ARHGAP23: variants seen among roughly 807,000 people sequenced by gnomAD.
The protein encoded by ARHGAP23 is Rho GTPase activating protein 23, also known as rho GTPase-activating protein 23.
Under a neutral mutation model 136.3 loss-of-function variants are expected in ARHGAP23, and 34 were observed. The observed-to-expected ratio is 0.25, with a 90% CI of 0.19 to 0.33. The LOEUF (loss-of-function observed/expected upper bound fraction) is 0.33. Ranked by LOEUF, ARHGAP23 falls within the 10% of genes least tolerant of loss-of-function variation. ARHGAP23 has a pLI of 1.00. For synonymous variants in ARHGAP23, 832 were observed against 920.5 expected, an observed-to-expected ratio of 0.90 and a Z score of 1.74; for missense variants, 1,808 against 2,139.0, an observed-to-expected ratio of 0.85 and a Z score of 3.05.
chr17:38,491,413 C>T lies in ARHGAP23; in HGVS notation c.3157C>T (p.Pro1053Ser). The change falls in exon 20 of 24, where the codon CCC (proline) becomes TCC (serine). Residue 1053 changes from proline (P) to serine (S), a missense_variant. Around this residue, in one of 7 missense-constraint regions of ARHGAP23, gnomAD observed 22 missense variants for 67.5 expected, o/e 0.33. Transcript: ENST00000622683. ...ADHSEKNKME[P>S]RNLALVFGPT... is the part of the protein sequence containing the mutation. ...TGCTTTCCCTGCTGCCCAGATGGAA[C>T]CCCGGAACCTGGCCCTGGTCTTTGG... The T allele has an allele frequency of 6.5e-7, 1 of 1,549,688 alleles. No individual in the cohort carries two copies. Among genetic ancestry groups the T allele is most frequent in the Non-Finnish European group, 8.7e-7 (1 of 1,146,844 alleles).
At chr17:38,496,438 C>CA in intron 20 of ARHGAP23, among the ~76,000 whole-genome samples, 1 of 152,262 alleles carries the variant, frequency 6.6e-6, no homozygotes, top group East Asian at 1.9e-4. Flanking sequence ...CAGGCCACAG[C>CA]ATTCCAACCT....
intron 20 of ARHGAP23, among the ~76,000 whole-genome samples, chr17:38,495,263 A>C: frequency 1.5e-5 from 2 of 136,472 alleles, no homozygotes; most frequent in Admixed American, 7.9e-5. Flanking sequence ...ACAGAGTCTC[A>C]CTCTGTCGCC....
At chr17:38,428,400 TCGGCCCCGCCCC>T (rs1322333057), upstream of ARHGAP23, 19 of 561,292 alleles carry the variant, frequency 3.4e-5, no homozygotes, top group Middle Eastern at 5.8e-4. Context: ...CACACCGCGC[TCGGCCCCGCCCC>T]CGGCCCCGCC....
chr17:38,491,571 G>A (rs2040280184), intron 20 of ARHGAP23, 39 bp downstream of exon 20: 9 of 1,548,740 alleles, frequency 5.8e-6, no homozygotes, highest in Non-Finnish European at 7.0e-6. Context: ...CAGCCCCTGG[G>A]GCCCAGGCCA....
chr17:38,473,103 A>ATT (rs59594005), intron 11 of ARHGAP23, among the ~76,000 whole-genome samples: 24 of 129,962 alleles, frequency 1.8e-4, no homozygotes, highest in South Asian at 2.5e-4. Context: ...AACCCGGCTA[A>ATT]TTTTTTTTTT....
At chr17:38,454,395 C>T (rs12936164) in intron 1 of ARHGAP23, among the ~76,000 whole-genome samples, 1 of 152,158 alleles carries the variant, frequency 6.6e-6, no homozygotes, top group African/African-American at 2.4e-5. Flanking sequence ...GCTCAGCCCT[C>T]TCGGTTTCCA....
chr17:38,507,879 A>T (rs1313190987), intron 23 of ARHGAP23, among the ~76,000 whole-genome samples: 1 of 152,236 alleles, frequency 6.6e-6, no homozygotes, highest in Non-Finnish European at 1.5e-5. Flanking sequence ...CACAAGAGGC[A>T]TCTGGGTCTC....
At chr17:38,476,861 G>A (rs1374615495) in intron 11 of ARHGAP23, among the ~76,000 whole-genome samples, 1 of 152,172 alleles carries the variant, frequency 6.6e-6, no homozygotes, top group African/African-American at 2.4e-5. Flanking sequence ...CAAATGTCCC[G>A]TGGGGACTAG....
intron 20 of ARHGAP23, among the ~76,000 whole-genome samples, chr17:38,496,272 G>C (rs2040390426): frequency 6.6e-6 from 1 of 151,604 alleles, no homozygotes; most frequent in South Asian, 2.1e-4. Flanking sequence ...AAAGTGGTAG[G>C]GTGCAGTGGC....
At chr17:38,487,889 C>A (rs1452336697) in intron 17 of ARHGAP23, among the ~76,000 whole-genome samples, 2 of 151,710 alleles carry the variant, frequency 1.3e-5, no homozygotes, top group East Asian at 1.9e-4. Flanking sequence ...ATAAATAATA[C>A]AATAAAATAA....
chr17:38,469,404 C>A, intron 8 of ARHGAP23, 105 bp downstream of exon 8: 1 of 1,468,874 alleles, frequency 6.8e-7, no homozygotes, highest in Non-Finnish European at 9.1e-7. Flanking sequence ...CTCTGGTTTC[C>A]GCTTCTCCTG....
intron 3 of ARHGAP23, among the ~76,000 whole-genome samples, chr17:38,462,487 C>G (rs988988738): frequency 1.3e-5 from 2 of 152,146 alleles, no homozygotes; most frequent in African/African-American, 4.8e-5. Context: ...AACTCCTGAC[C>G]TCAAGTGATC....
At chr17:38,449,868 C>T (rs893513207) in intron 1 of ARHGAP23, among the ~76,000 whole-genome samples, 1 of 152,142 alleles carries the variant, frequency 6.6e-6, no homozygotes, top group Non-Finnish European at 1.5e-5. Flanking sequence ...CAGGCAGAAT[C>T]GACCCTGAGC....
At chr17:38,439,950 A>C (rs2038885697) in intron 1 of ARHGAP23, among the ~76,000 whole-genome samples, 1 of 150,594 alleles carries the variant, frequency 6.6e-6, no homozygotes, top group African/African-American at 2.5e-5. Context: ...GGCTGGTCTA[A>C]CTCCTGACCT....
chr17:38,424,222 C>T (rs997864731), upstream of ARHGAP23, among the ~76,000 whole-genome samples: 12 of 152,050 alleles, frequency 7.9e-5, no homozygotes, highest in South Asian at 2.1e-4. Flanking sequence ...TCCTCCAGTC[C>T]GCTCATCACG....
At chr17:38,429,684 T>C (rs186717865) in intron 1 of ARHGAP23, among the ~76,000 whole-genome samples, 1 of 151,982 alleles carries the variant, frequency 6.6e-6, no homozygotes, top group Admixed American at 6.6e-5. Context: ...GTTTCCTAAT[T>C]ATGAACTTGA....
intron 23 of ARHGAP23, among the ~76,000 whole-genome samples, chr17:38,504,978 CTTTTTTTTTTTTTTTTTTTTTTTTTTTTT>C (rs71138627): frequency 4.2e-4 from 18 of 43,168 alleles, no homozygotes; most frequent in East Asian, 3.7e-3. Flanking sequence ...CCCTTATCAT[CTTTTTTTTTTTTTTTTTTTTTTTTTTTTT>C]TTTTTTTTTT....
chr17:38,425,030 C>A (rs1196646551), upstream of ARHGAP23, among the ~76,000 whole-genome samples: 1 of 152,218 alleles, frequency 6.6e-6, no homozygotes, highest in Non-Finnish European at 1.5e-5. Context: ...GCTTTGGTAC[C>A]TTTCTCCTAG....
At chr17:38,453,524 G>A (rs72823848) in intron 1 of ARHGAP23, among the ~76,000 whole-genome samples, 14,290 of 150,024 alleles carry the variant, frequency 0.095, 1,293 homozygotes, top group Admixed American at 0.28. Context: ...CTGGGTCCAG[G>A]GCTGCCGTCT....
Sources: gnomAD v4.1 joint callset for allele counts (sites outside exome capture counted in the v4.1 genomes callset) on GRCh38, gnomAD v4.1.1 for gene constraint, gnomAD v4.1.1 regional missense constraint, MANE v1.5 for transcripts, NCBI Gene and HGNC (gene_info 2026-07-23, HGNC 2026-07-21) for gene names.